Variants in DPP6 observed in about 807,000 individuals in gnomAD.
DPP6 encodes the protein A-type potassium channel modulatory protein DPP6.
In DPP6, 69 loss-of-function variants were observed where a neutral mutation model predicts 122.6. The observed-to-expected ratio is 0.56, with a 90% CI of 0.46 to 0.69. DPP6 has a LOEUF of 0.69. Among genes scored for constraint, DPP6 ranks in the 30% least tolerant of loss-of-function variants. DPP6 has a pLI of 0.00. For synonymous variants in DPP6, 418 were observed against 433.1 expected (o/e 0.97, Z 0.43); for missense variants, 928 against 1,116.9 (o/e 0.83, Z 2.41).
chr7:153,915,463 C>A (rs996593036), intron 1 of DPP6, among the ~76,000 whole-genome samples: 4 of 152,198 alleles, frequency 2.6e-5, no homozygotes, highest in African/African-American at 7.2e-5. Context: ...GTCCTACTCA[C>A]ATTTGAATGA....
chr7:154,404,828 C>G (rs1377967312), intron 1 of DPP6, among the ~76,000 whole-genome samples: 5 of 152,016 alleles, frequency 3.3e-5, no homozygotes, highest in African/African-American at 1.2e-4. Context: ...ACAGAAATTC[C>G]ACGTCTAGAA....
chr7:153,826,887 C>T, the DPP6 span, among the ~76,000 whole-genome samples: 53 of 152,070 alleles, frequency 3.5e-4, no homozygotes, highest in African/African-American at 1.2e-3. Context: ...CATATACTAA[C>T]ACAAAAATAA....
At chr7:154,219,937 T>C (rs1474262699) in intron 1 of DPP6, among the ~76,000 whole-genome samples, 5 of 152,218 alleles carry the variant, frequency 3.3e-5, no homozygotes, top group Admixed American at 2.0e-4. Context: ...CATTTGTGAT[T>C]CTGTGATTCT....
chr7:154,346,888 T>A (rs1184672948), intron 1 of DPP6, among the ~76,000 whole-genome samples: 1 of 152,178 alleles, frequency 6.6e-6, no homozygotes, highest in Non-Finnish European at 1.5e-5. Flanking sequence ...TCTACTAATC[T>A]CAGTGAACTT....
chr7:154,162,598 A>G (rs1052546304), intron 1 of DPP6, among the ~76,000 whole-genome samples: 5 of 151,986 alleles, frequency 3.3e-5, no homozygotes, highest in African/African-American at 9.7e-5. Flanking sequence ...TGGAATCTGT[A>G]TGTTGCTAGT....
intron 1 of DPP6, among the ~76,000 whole-genome samples, chr7:154,263,298 C>A (rs1803157294): frequency 6.6e-6 from 1 of 152,222 alleles, no homozygotes. Flanking sequence ...AAATCAGGAT[C>A]TCTCTTCTCT....
intron 4 of DPP6, among the ~76,000 whole-genome samples, chr7:154,544,557 T>C (rs1024344069): frequency 2.0e-5 from 3 of 152,200 alleles, no homozygotes; most frequent in Non-Finnish European, 2.9e-5. Context: ...TTGAGCAGTT[T>C]TCCAGAAACA....
At chr7:153,794,694 C>A in the DPP6 span, among the ~76,000 whole-genome samples, 1 of 151,262 alleles carries the variant, frequency 6.6e-6, no homozygotes, top group Non-Finnish European at 1.5e-5. Flanking sequence ...TGATATGGTT[C>A]GGCTCTGTCC....
chr7:154,853,068 C>G (rs961733252), intron 16 of DPP6, among the ~76,000 whole-genome samples: 1 of 152,178 alleles, frequency 6.6e-6, no homozygotes, highest in Non-Finnish European at 1.5e-5. Flanking sequence ...CCAGGCCTGC[C>G]TCTTAATGTT....
intron 8 of DPP6, among the ~76,000 whole-genome samples, chr7:154,743,160 C>CT (rs1842890350): frequency 1.3e-5 from 2 of 152,186 alleles, no homozygotes; most frequent in Admixed American, 1.3e-4. Flanking sequence ...GGGCTCAGCT[C>CT]TTTTATCTCC....
chr7:154,030,510 T>C (rs922334139), intron 1 of DPP6, among the ~76,000 whole-genome samples: 14 of 152,238 alleles, frequency 9.2e-5, no homozygotes, highest in African/African-American at 2.9e-4. Context: ...TGAGGCCTCG[T>C]GAGCTCCTGC....
chr7:154,016,399 ATTT>A (rs201285127), intron 1 of DPP6, among the ~76,000 whole-genome samples: 2 of 144,188 alleles, frequency 1.4e-5, no homozygotes, highest in Admixed American at 6.9e-5. Flanking sequence ...AAGTAGGTTT[ATTT>A]TTTTTTTTTT....
At chr7:154,028,100 G>A (rs1799036158) in intron 1 of DPP6, among the ~76,000 whole-genome samples, 1 of 151,698 alleles carries the variant, frequency 6.6e-6, no homozygotes, top group African/African-American at 2.4e-5. Context: ...CAGGCGTCCT[G>A]GGTCCCCACC....
chr7:154,159,006 C>G (rs1482736277), intron 1 of DPP6, among the ~76,000 whole-genome samples: 1 of 152,104 alleles, frequency 6.6e-6, no homozygotes, highest in African/African-American at 2.4e-5. Context: ...GACCTGAATA[C>G]CTTAGGTTCA....
In DPP6 at chr7:154,224,611, G is replaced by A. The variant is rs989136772; in HGVS notation, c.243+171548G>A. On this transcript the variant is annotated intron_variant, in intron 1 of 25. Coordinates refer to ENST00000377770, the MANE Select transcript of DPP6 (RefSeq NM_130797.4). ...CTGTGTACATTAAATACCATATGTG[G>A]TGAACATTTCCAAATTCCTTAACTG... Among the ~76,000 whole-genome samples, 4 of 149,132 alleles carry A rather than the reference G, an allele frequency of 2.7e-5. 1 individual carries two copies. Among genetic ancestry groups the A allele is most frequent in the African/African-American group, 1.0e-4 (4 of 39,112 alleles).
In DPP6 at chr7:154,220,313, A is replaced by T. The variant is rs958063692; in HGVS notation, c.243+167250A>T. Among the ~76,000 whole-genome samples, 4 of 152,186 alleles carry T rather than the reference A, an allele frequency of 2.6e-5. No homozygotes were observed. The South Asian group carries it at 6.2e-4, about 24-fold the overall frequency. ...GACACAGTAAGAAAACACCTTAGCT[A>T]ATGAACATAGGAACATAAAACCAAA... On this transcript the variant is annotated intron_variant, in intron 1 of 25. Coordinates refer to ENST00000377770, the MANE Select transcript of DPP6 (RefSeq NM_130797.4).
At chr7:153,813,180 C>T in the DPP6 span, among the ~76,000 whole-genome samples, 1 of 150,554 alleles carries the variant, frequency 6.6e-6, no homozygotes, top group African/African-American at 2.5e-5. Flanking sequence ...TCCCCCATCC[C>T]CCCACCCTGC....
chr7:153,802,971 G>A, the DPP6 span, among the ~76,000 whole-genome samples: 11,371 of 151,524 alleles, frequency 0.075, 530 homozygotes, highest in Non-Finnish European at 0.1. Flanking sequence ...TGCTCAGCCC[G>A]GCAGGCAGGC....
At chr7:154,339,191 T>G (rs552728410) in intron 1 of DPP6, among the ~76,000 whole-genome samples, 1 of 152,364 alleles carries the variant, frequency 6.6e-6, no homozygotes, top group East Asian at 1.9e-4. Flanking sequence ...CCACTTTTTC[T>G]TCTTTGGCAC....
Sources: allele counts gnomAD v4.1 joint callset (sites outside exome capture counted in the v4.1 genomes callset), GRCh38; gene constraint gnomAD v4.1.1; transcripts MANE v1.5; gene names NCBI Gene and HGNC (gene_info 2026-07-23, HGNC 2026-07-21).